Variants in RUBCNL observed in about 807,000 individuals in gnomAD.
The protein encoded by RUBCNL is protein associated with UVRAG as autophagy enhancer.
A neutral mutation model predicts 69.5 loss-of-function variants in RUBCNL; 62 were observed. The ratio of observed to expected loss-of-function variants is 0.89; its 90% CI spans 0.73 to 1.10. The LOEUF (loss-of-function observed/expected upper bound fraction) is 1.10. RUBCNL is among the 50% of genes least tolerant of loss of function. The probability of loss-of-function intolerance (pLI) is 0.00; values close to 1 mark genes in which losing one functional copy is unlikely to be tolerated. For missense variants in RUBCNL, 768 were observed against 798.1 expected (o/e 0.96, Z 0.45); for synonymous variants, 291 against 303.6 (o/e 0.96, Z 0.43).
At chr13:46,377,816 A>G (rs941630429) in intron 2 of RUBCNL, 74 bp downstream of exon 2, 8 of 820,302 alleles carry the variant, frequency 9.8e-6, no homozygotes, top group Admixed American at 5.4e-5. Flanking sequence ...GGCCCATAAT[A>G]GATTCACAAC....
chr13:46,335,144 A>G lies in RUBCNL; in HGVS notation c.*8241T>C, dbSNP rs2048095747. Among the ~76,000 whole-genome samples the G allele has an allele frequency of 6.6e-6, 1 of 151,432 alleles. No individual in the cohort carries two copies. The highest frequency in any genetic ancestry group is 1.5e-5 in the Non-Finnish European group (1 of 67,894). ...CAGTGGCGGGATCATGCCTCACTACAGCCTCAAACTCCTGGGCTCGATCGA... is the reference window on the plus strand; with the variant it reads ...CAGTGGCGGGATCATGCCTCACTACGGCCTCAAACTCCTGGGCTCGATCGA... On this transcript the variant is annotated 3_prime_UTR_variant, in exon 15 of 15. Coordinates refer to ENST00000429979, the MANE Select transcript of RUBCNL (RefSeq NM_025113.5).
At chr13:46,379,834 G>T in intron 1 of RUBCNL, among the ~76,000 whole-genome samples, 1 of 152,152 alleles carries the variant, frequency 6.6e-6, no homozygotes, top group East Asian at 1.9e-4. Context: ...TCTTTCTCAG[G>T]ATCTACTTCT....
intron 4 of RUBCNL, 157 bp downstream of exon 4, chr13:46,368,576 T>A (rs2048811278): frequency 2.3e-6 from 2 of 877,750 alleles, no homozygotes; most frequent in African/African-American, 3.6e-5. Context: ...TCGGAACCCT[T>A]CTTAGCTTAG....
intron 1 of RUBCNL, among the ~76,000 whole-genome samples, chr13:46,381,284 T>C (rs1466898127): frequency 6.6e-6 from 1 of 152,182 alleles, no homozygotes; most frequent in Non-Finnish European, 1.5e-5. Context: ...CAACCATCAT[T>C]AGAAATGAAG....
chr13:46,348,108 T>G lies in RUBCNL; in HGVS notation c.1631+1178A>C, dbSNP rs555680904. 7.9e-5 allele frequency among the ~76,000 whole-genome samples: 12 copies of G among 152,250 alleles called. No individual in the cohort carries two copies. In the East Asian group the frequency reaches 2.3e-3, roughly 29 times the overall value. On this transcript the variant is annotated intron_variant, in intron 12 of 14. Coordinates refer to ENST00000429979, the MANE Select transcript of RUBCNL (RefSeq NM_025113.5). Reference sequence around the variant, plus strand: ...AAGACAAATACTGTAAGATTCCTCTTATATAAGGCATGTGTGTGGGCAAAA... The same window carrying G: ...AAGACAAATACTGTAAGATTCCTCTGATATAAGGCATGTGTGTGGGCAAAA...
At chr13:46,344,538 C>A (rs1447742017) in intron 14 of RUBCNL, among the ~76,000 whole-genome samples, 1 of 152,212 alleles carries the variant, frequency 6.6e-6, no homozygotes, top group Non-Finnish European at 1.5e-5. Flanking sequence ...CCCTGCCCCA[C>A]CCAAATACTC....
chr13:46,359,542 A>G lies in RUBCNL; in HGVS notation c.1209T>C (p.Thr403=). The G allele has an allele frequency of 1.3e-6, 2 of 1,595,172 alleles. No individual in the cohort carries two copies. The highest frequency in any genetic ancestry group is 1.7e-6 in the Non-Finnish European group (2 of 1,170,042). ...EIKFKSRIRG[T]EDWAPPRFQI... is the part of the protein sequence containing the mutation. ...GAAATCTAGGAGGAGCCCAGTCTTC[A>G]GTCCCTCTGATCCTAGACTTAAATT... Residue 403 remains threonine (T), a synonymous_variant, in exon 9 of 15, where the codon ACT becomes ACC. Transcript: ENST00000429979.
chr13:46,362,947 T>TATATATATATATATATAC (rs2048657003), intron 6 of RUBCNL, among the ~76,000 whole-genome samples, 168 bp downstream of exon 6: 1 of 62,024 alleles, frequency 1.6e-5, no homozygotes, highest in South Asian at 4.3e-4. Context: ...TAGATATATA[T>TATATATATATATATATAC]ATATATATAT....
intron 1 of RUBCNL, among the ~76,000 whole-genome samples, chr13:46,378,797 T>C (rs528803562): frequency 6.6e-6 from 1 of 152,318 alleles, no homozygotes; most frequent in South Asian, 2.1e-4. Context: ...GTCTTCAAGT[T>C]ATTTCATGAA....
chr13:46,382,121 A>G (rs1229053801), intron 1 of RUBCNL, among the ~76,000 whole-genome samples: 1 of 152,152 alleles, frequency 6.6e-6, no homozygotes, highest in Non-Finnish European at 1.5e-5. Context: ...ACTTTAAATC[A>G]GTGAAGCATT....
chr13:46,366,343 C>A (rs1159084788), intron 5 of RUBCNL, among the ~76,000 whole-genome samples: 1 of 152,108 alleles, frequency 6.6e-6, no homozygotes, highest in Non-Finnish European at 1.5e-5. Context: ...AGGAAGACTG[C>A]AGAGCTGAAA....
chr13:46,347,269 T>G (rs908499953), intron 12 of RUBCNL, among the ~76,000 whole-genome samples: 50 of 152,192 alleles, frequency 3.3e-4, no homozygotes, highest in African/African-American at 1.1e-3. Context: ...TAGCCAGGTG[T>G]GATGGCACAT....
chr13:46,386,652 C>T (rs947501195), intron 1 of RUBCNL, among the ~76,000 whole-genome samples: 1 of 152,124 alleles, frequency 6.6e-6, no homozygotes, highest in Non-Finnish European at 1.5e-5. Flanking sequence ...AATAACACGC[C>T]GCGATTTCAC....
At chr13:46,353,193 G>C (rs2048408748) in intron 10 of RUBCNL, among the ~76,000 whole-genome samples, 1 of 152,232 alleles carries the variant, frequency 6.6e-6, no homozygotes, top group African/African-American at 2.4e-5. Flanking sequence ...GTCACACTCT[G>C]AGTTGATGTT....
rs190837799 is a variant in RUBCNL, at chr13:46,345,074, G to T, written c.1786-243C>A. Among the ~76,000 whole-genome samples the T allele has an allele frequency of 1.0e-3, 158 of 152,308 alleles. 1 individual carries two copies. Among genetic ancestry groups the T allele is most frequent in the Non-Finnish European group, 2.0e-3 (136 of 68,022 alleles). On this transcript the variant is annotated intron_variant, in intron 13 of 14. Coordinates refer to ENST00000429979, the MANE Select transcript of RUBCNL (RefSeq NM_025113.5). ...AGAGTAAGGTCCTAATTGTAAACATGCACTCTGAAATGATCTAATTTCATT... is the reference window on the plus strand; with the variant it reads ...AGAGTAAGGTCCTAATTGTAAACATTCACTCTGAAATGATCTAATTTCATT...
chr13:46,353,648 C>G lies in RUBCNL; in HGVS notation c.1330+2784G>C, dbSNP rs148174862. The stretch of plus-strand genomic sequence containing the variant: ...ATCCTACAGTGCACAGGACCCCCCA[C>G]GACAAAGTCCATGGTACTGAAGTTG... On this transcript the variant is annotated intron_variant, in intron 10 of 14. Coordinates refer to ENST00000429979, the MANE Select transcript of RUBCNL (RefSeq NM_025113.5). 6.0e-4 allele frequency among the ~76,000 whole-genome samples: 92 copies of G among 152,286 alleles called. 1 individual carries two copies. The East Asian group carries it at 0.017, about 28-fold the overall frequency.
At chr13:46,361,743 A>G (rs1000825539) in intron 7 of RUBCNL, among the ~76,000 whole-genome samples, 170 bp from the exon 8 acceptor site, 2 of 152,144 alleles carry the variant, frequency 1.3e-5, no homozygotes, top group Non-Finnish European at 2.9e-5. Flanking sequence ...TGGCTCCTGC[A>G]TGTTCAATAA....
chr13:46,368,274 A>G (rs775444596), intron 4 of RUBCNL, 25 bp from the exon 5 acceptor site: 1 of 1,593,262 alleles, frequency 6.3e-7, no homozygotes, highest in South Asian at 1.1e-5. Flanking sequence ...ATCAATTAAA[A>G]TACAAGCATA....
At chr13:46,362,961 T>TCTATAG (rs1555253839) in intron 6 of RUBCNL, among the ~76,000 whole-genome samples, 154 bp downstream of exon 6, 1 of 125,540 alleles carries the variant, frequency 8.0e-6, no homozygotes, top group Non-Finnish European at 1.6e-5. Flanking sequence ...TATATATATA[T>TCTATAG]ATATATATAT....
Sources: gnomAD v4.1 joint callset for allele counts (sites outside exome capture counted in the v4.1 genomes callset) on GRCh38, gnomAD v4.1.1 for gene constraint, MANE v1.5 for transcripts, NCBI Gene and HGNC (gene_info 2026-07-23, HGNC 2026-07-21) for gene names.